The following MAPRE2 variants were observed in gnomAD, a reference collection of about 807,000 sequenced individuals.
MAPRE2 encodes the protein microtubule-associated protein RP/EB family member 2.
In MAPRE2, 13 loss-of-function variants were observed where a neutral mutation model predicts 43.2. The observed-to-expected ratio is 0.30, with a 90% CI of 0.20 to 0.48. MAPRE2 has a LOEUF of 0.48. Among genes scored for constraint, MAPRE2 ranks in the 20% least tolerant of loss-of-function variants. The pLI is 0.99. For synonymous variants in MAPRE2, 135 were observed against 148.8 expected, an observed-to-expected ratio of 0.91 and a Z score of 0.68; for missense variants, 161 against 400.2, an observed-to-expected ratio of 0.40 and a Z score of 5.10.
At chr18:34,989,330 C>T (rs2097022571) in intron 1 of MAPRE2, among the ~76,000 whole-genome samples, 1 of 152,122 alleles carries the variant, frequency 6.6e-6, no homozygotes, top group South Asian at 2.1e-4. Flanking sequence ...GGGGTCTTTG[C>T]CTGTGCCTTC....
At chr18:35,022,389 G>A (rs2097042436) in intron 2 of MAPRE2, among the ~76,000 whole-genome samples, 1 of 104,286 alleles carries the variant, frequency 9.6e-6, no homozygotes, top group Non-Finnish European at 2.4e-5. Context: ...TAGAATCTGA[G>A]TATTTTTTAT....
At chr18:35,089,546 A>G (rs537562286) in intron 2 of MAPRE2, among the ~76,000 whole-genome samples, 2 of 152,330 alleles carry the variant, frequency 1.3e-5, no homozygotes, top group Admixed American at 1.3e-4. Context: ...TAAAAAGCAC[A>G]AGGAAAAGAT....
chr18:35,042,437 G>A (rs766023976), intron 1 of MAPRE2, among the ~76,000 whole-genome samples: 2 of 152,166 alleles, frequency 1.3e-5, no homozygotes, highest in Non-Finnish European at 2.9e-5. Context: ...ATTGTATTGT[G>A]AGCCTTTTGA....
intron 1 of MAPRE2, among the ~76,000 whole-genome samples, chr18:35,058,255 G>T (rs912141357): frequency 1.3e-5 from 2 of 152,116 alleles, no homozygotes; most frequent in Admixed American, 6.5e-5. Flanking sequence ...TACTTCCCTT[G>T]TCCTGTTAAT....
At chr18:34,991,857 T>C (rs1465850032) in intron 1 of MAPRE2, among the ~76,000 whole-genome samples, 1 of 152,188 alleles carries the variant, frequency 6.6e-6, no homozygotes. Context: ...TGCTCTATAA[T>C]ATCAAGTCAT....
At chr18:35,028,831 T>C (rs992893614) in intron 2 of MAPRE2, among the ~76,000 whole-genome samples, 1 of 152,178 alleles carries the variant, frequency 6.6e-6, no homozygotes, top group African/African-American at 2.4e-5. Flanking sequence ...TGTGGGCTGG[T>C]GGGAATGGCG....
chr18:35,052,721 C>T (rs866093016), intron 1 of MAPRE2, among the ~76,000 whole-genome samples: 1 of 152,160 alleles, frequency 6.6e-6, no homozygotes, highest in African/African-American at 2.4e-5. Flanking sequence ...CTTGGCAACA[C>T]TTACTATCAG....
At chr18:35,085,375 T>C (rs373441339) in intron 2 of MAPRE2, among the ~76,000 whole-genome samples, 1 of 152,254 alleles carries the variant, frequency 6.6e-6, no homozygotes, top group South Asian at 2.1e-4. Context: ...GGGATGACTT[T>C]ATGATTATTG....
At chr18:35,027,061 C>G (rs1445000192) in intron 2 of MAPRE2, among the ~76,000 whole-genome samples, 10 of 152,198 alleles carry the variant, frequency 6.6e-5, no homozygotes, top group African/African-American at 9.7e-5. Flanking sequence ...AACATTCATT[C>G]TTTTCTTCCT....
intron 2 of MAPRE2, among the ~76,000 whole-genome samples, chr18:35,094,138 G>A (rs933748241): frequency 1.3e-5 from 2 of 152,172 alleles, no homozygotes; most frequent in African/African-American, 4.8e-5. Flanking sequence ...AATGATAAAT[G>A]TGTGAGGTGA....
At chr18:35,070,062 A>T (rs552526547) in intron 1 of MAPRE2, 133 bp from the exon 2 acceptor site, 1 of 536,566 alleles carries the variant, frequency 1.9e-6, no homozygotes, top group Non-Finnish European at 3.1e-6. Context: ...ATAGAAAAAG[A>T]TGCTAAAGGG....
At chr18:35,106,734 A>C (rs1339330444) in intron 4 of MAPRE2, among the ~76,000 whole-genome samples, 1 of 152,146 alleles carries the variant, frequency 6.6e-6, no homozygotes, top group Non-Finnish European at 1.5e-5. Context: ...TAACAAGCTT[A>C]CTGCATAAGC....
chr18:34,997,900 C>G (rs1460764119), intron 1 of MAPRE2, among the ~76,000 whole-genome samples: 2 of 152,088 alleles, frequency 1.3e-5, no homozygotes, highest in Admixed American at 6.5e-5. Flanking sequence ...AAACTAAGAG[C>G]TATAAACAAG....
At chr18:34,977,518 A>C (rs2097013854) in intron 1 of MAPRE2, among the ~76,000 whole-genome samples, 1 of 152,152 alleles carries the variant, frequency 6.6e-6, no homozygotes, top group East Asian at 1.9e-4. Context: ...GGGCGCCGGC[A>C]CTGAGAGAGC....
At position 34,985,360 on chromosome 18, in the gene MAPRE2, A is replaced by C. The variant is rs1321600121; in HGVS notation, c.-70+8281A>C. On this transcript the variant is annotated intron_variant, in intron 1 of 7. Coordinates refer to the MAPRE2 transcript ENST00000413393. ...TATAATATATTATATTATATATATA[A>C]TATAATATATAATATATTATTTTAT... 1.5e-3 allele frequency among the ~76,000 whole-genome samples: 59 copies of C among 40,342 alleles called. 1 individual carries two copies. Among genetic ancestry groups the C allele is most frequent in the African/African-American group, 6.9e-3 (58 of 8,430 alleles). The allele number at this position is 40,342 out of a possible 152,430, so 26.5% of individuals were successfully genotyped here.
intron 4 of MAPRE2, among the ~76,000 whole-genome samples, chr18:35,108,895 T>G (rs1909038196): frequency 6.6e-6 from 1 of 152,186 alleles, no homozygotes; most frequent in Non-Finnish European, 1.5e-5. Context: ...ATGGGTAGAT[T>G]GCAAAAATGT....
chr18:35,096,886 C>T (rs1908450992), intron 2 of MAPRE2, among the ~76,000 whole-genome samples: 1 of 151,610 alleles, frequency 6.6e-6, no homozygotes, highest in African/African-American at 2.4e-5. Context: ...TAGTTTTCAC[C>T]TGTGTGGGGG....
chr18:35,087,255 T>G (rs796243873), intron 2 of MAPRE2, among the ~76,000 whole-genome samples: 15 of 143,494 alleles, frequency 1.0e-4, no homozygotes, highest in African/African-American at 4.5e-4. Context: ...GAAAGAATAG[T>G]TTTTTCCCCC....
At chr18:35,092,751 A>G (rs1190935387) in intron 2 of MAPRE2, among the ~76,000 whole-genome samples, 1 of 152,192 alleles carries the variant, frequency 6.6e-6, no homozygotes, top group Non-Finnish European at 1.5e-5. Flanking sequence ...AACTCAGTAG[A>G]AAAAAGAACT....
Sources: gnomAD v4.1 joint callset for allele counts (sites outside exome capture counted in the v4.1 genomes callset) on GRCh38, gnomAD v4.1.1 for gene constraint, MANE v1.5 for transcripts, NCBI Gene and HGNC (gene_info 2026-07-23, HGNC 2026-07-21) for gene names.